CYP4B1: variants seen among roughly 807,000 people sequenced by gnomAD.
CYP4B1 encodes the protein cytochrome P450 family 4 subfamily B member 1, also known as cytochrome P450 4B1.
CYP4B1 carries 45 observed loss-of-function variants against 54.0 expected under a neutral mutation model. That is an observed-to-expected ratio of 0.83 (90% confidence interval 0.66 to 1.07). The LOEUF is 1.07. Ranked by LOEUF, CYP4B1 falls within the 50% of genes least tolerant of loss-of-function variation. The probability of loss-of-function intolerance (pLI) is 0.00; values close to 1 mark genes in which losing one functional copy is unlikely to be tolerated. For synonymous variants in CYP4B1, 248 were observed against 247.5 expected (o/e 1.00, Z -0.02); for missense variants, 656 against 655.4 (o/e 1.00, Z -0.01).
In CYP4B1 at chr1:46,814,298, A is replaced by C. The variant is rs376093889; in HGVS notation, c.865A>C (p.Ile289Leu). The C allele has an allele frequency of 4.3e-6, 7 of 1,613,892 alleles. No homozygotes were observed. The highest frequency in any genetic ancestry group is 5.9e-6 in the Non-Finnish European group (7 of 1,179,896). ...CCGGAGGCACCTGGACTTCCTGGAC[A>C]TTCTCCTGGGTGCCCGGGTGAGTAC... The part of the protein sequence containing the change: ...QNRRHLDFLD[I>L]LLGARDEDDI... The change falls in exon 7 of 12, where the codon ATT (isoleucine) becomes CTT (leucine). Residue 289 changes from isoleucine (I) to leucine (L), a missense_variant. Transcript: ENST00000371923.
chr1:46,812,830 T>C (rs55955602), intron 4 of CYP4B1, among the ~76,000 whole-genome samples: 3 of 152,158 alleles, frequency 2.0e-5, no homozygotes, highest in Non-Finnish European at 4.4e-5. Flanking sequence ...GCTGAATCTC[T>C]AAGTGTCCTG....
intron 7 of CYP4B1, chr1:46,814,692 G>A (rs577786065): frequency 6.3e-5 from 21 of 333,154 alleles, no homozygotes; most frequent in South Asian, 3.4e-4. Context: ...GGTCATTTCC[G>A]TGCTAGGATG....
intron 1 of CYP4B1, among the ~76,000 whole-genome samples, chr1:46,803,415 C>A (rs182453983): frequency 1.3e-5 from 2 of 152,256 alleles, no homozygotes; most frequent in East Asian, 3.9e-4. Context: ...TCAGTGAGGG[C>A]TCCTCCATGT....
intron 5 of CYP4B1, 34 bp from the exon 6 acceptor site, chr1:46,813,875 T>A: frequency 5.0e-6 from 8 of 1,609,172 alleles, no homozygotes; most frequent in Non-Finnish European, 6.8e-6. Flanking sequence ...TGGGCCAGTG[T>A]CTAAGCCAAT....
intron 7 of CYP4B1, chr1:46,814,633 G>T (rs901160149): frequency 2.3e-5 from 8 of 353,778 alleles, no homozygotes; most frequent in Non-Finnish European, 4.1e-5. Context: ...CATTCATTCA[G>T]TAAGTTCTTT....
Position 46,813,555 on chromosome 1 carries a change from A to G in CYP4B1, c.569A>G (p.Asn190Ser). The G allele has an allele frequency of 1.2e-6, 2 of 1,614,222 alleles. No individual in the cohort carries two copies. Among genetic ancestry groups the G allele is most frequent in the South Asian group, 1.1e-5 (1 of 91,082 alleles). Residue 190 changes from asparagine to serine, a missense_variant, in exon 5 of 12, where the codon AAC (asparagine) becomes AGC (serine). Coordinates refer to ENST00000371923, the MANE Select transcript of CYP4B1 (RefSeq NM_001099772.2). ...TGCGATGTGGGTCACATGGCGCTGA[A>G]CACACTCATGAAGTGCACCTTTGGA... The part of the protein sequence containing the change: ...IFCDVGHMAL[N>S]TLMKCTFGRG...
intron 1 of CYP4B1, among the ~76,000 whole-genome samples, chr1:46,804,348 A>T (rs1678774927): frequency 6.6e-6 from 1 of 152,116 alleles, no homozygotes; most frequent in Non-Finnish European, 1.5e-5. Context: ...AGCTCTTTAG[A>T]GAAGTTAGAT....
Position 46,817,948 on chromosome 1 carries a change from C to T in CYP4B1, c.1208-17C>T. On this transcript the variant is annotated splice_polypyrimidine_tract_variant and intron_variant, in intron 9 of 11. Transcript: ENST00000371923. ...TACCCAGGACTACCTGGTCACCAACCTCTGTTCTGCCCACAGGAAGCCTGA... is the reference window on the plus strand; with the variant it reads ...TACCCAGGACTACCTGGTCACCAACTTCTGTTCTGCCCACAGGAAGCCTGA... 1 of 1,613,842 alleles carries T rather than the reference C, an allele frequency of 6.2e-7. No individual in the cohort carries two copies. The highest frequency in any genetic ancestry group is 8.5e-7 in the Non-Finnish European group (1 of 1,179,732).
chr1:46,800,243 TTCC>T (rs1557484746), intron 1 of CYP4B1, among the ~76,000 whole-genome samples: 815 of 15,696 alleles, frequency 0.052, 24 homozygotes, highest in African/African-American at 0.092. Context: ...CTTTCTTTCC[TTCC>T]TTCCTTCCTT....
rs764620704 is a variant in CYP4B1 at position 46,812,605 on chromosome 1, G to A, written c.477G>A (p.Glu159=). Residue 159 remains glutamate (E), a synonymous_variant, in exon 4 of 12, where the codon GAG becomes GAA. Transcript: ENST00000371923. ...VLKPYVAVFT[E]STRIMLDKWE... ...AGCCCTATGTGGCCGTGTTCACTGAGTCTACACGTATCATGCTGGTGAGCT... is the reference window on the plus strand; with the variant it reads ...AGCCCTATGTGGCCGTGTTCACTGAATCTACACGTATCATGCTGGTGAGCT... The A allele has an allele frequency of 6.2e-7, 1 of 1,613,262 alleles. No individual in the cohort carries two copies. Among genetic ancestry groups the A allele is most frequent in the Non-Finnish European group, 8.5e-7 (1 of 1,179,680 alleles).
At chr1:46,811,692 G>GTATTT (rs756389667) in intron 3 of CYP4B1, among the ~76,000 whole-genome samples, 44 of 152,160 alleles carry the variant, frequency 2.9e-4, no homozygotes, top group Admixed American at 5.9e-4. Context: ...GAGTCATTGA[G>GTATTT]TATTTTATTT....
chr1:46,813,909 C>T lies in CYP4B1; in HGVS notation c.621C>T (p.Ser207=), dbSNP rs188313819. ...FGRGDTGLGH[S]RDSSYYLAVS... is the part of the protein sequence containing the mutation. ...ATCCCTCCTCCTACCCTCTGCTTAG[C>T]AGGGACAGCAGCTACTACCTTGCAG... The change falls in exon 6 of 12, where the codon AGC becomes AGT. Residue 207 remains serine, a splice_region_variant and synonymous_variant. Transcript: ENST00000371923. 2.5e-6 allele frequency: 4 copies of T among 1,614,034 alleles called. No individual in the cohort carries two copies. Among genetic ancestry groups the T allele is most frequent in the Non-Finnish European group, 3.4e-6 (4 of 1,179,936 alleles).
In CYP4B1 at chr1:46,817,030, T is replaced by TG. The variant is rs1679361128; in HGVS notation, c.1074-16dup. 1 of 1,612,708 alleles carries TG rather than the reference T, an allele frequency of 6.2e-7. No homozygotes were observed. Among genetic ancestry groups the TG allele is most frequent in the African/African-American group, 1.3e-5 (1 of 74,916 alleles). On this transcript the variant is annotated splice_polypyrimidine_tract_variant and intron_variant, in intron 8 of 11. Coordinates refer to ENST00000371923, the MANE Select transcript of CYP4B1 (RefSeq NM_001099772.2). ...GTTGCTTCCCATTCCAAGAATGTTC[T>TG]GGTTGTGTTGCTGGCAGGGATGATC...
rs45556331 is a variant in CYP4B1 at position 46,816,110 on chromosome 1, C to G, written c.1073+846C>G. Among the ~76,000 whole-genome samples, 11 of 152,254 alleles carry G rather than the reference C, an allele frequency of 7.2e-5. No homozygotes were observed. The South Asian group carries it at 1.7e-3, about 23-fold the overall frequency. ...TGGTCATATGTGAGAATCCCCCCCC[C>G]ACGGGGTATCCAGACACATGCCAGG... On this transcript the variant is annotated intron_variant, in intron 8 of 11. Transcript: ENST00000371923.
At chr1:46,817,303 C>G (rs1421616569) in intron 9 of CYP4B1, 122 bp downstream of exon 9, 1 of 1,203,760 alleles carries the variant, frequency 8.3e-7, no homozygotes, top group African/African-American at 1.5e-5. Context: ...TCAGAGAGCC[C>G]TGGGTCTAAA....
In CYP4B1 at chr1:46,801,635, A is replaced by C. The variant is rs1161196411; in HGVS notation, c.180+2374A>C. Among the ~76,000 whole-genome samples, 4 of 152,280 alleles carry C rather than the reference A, an allele frequency of 2.6e-5. No individual in the cohort carries two copies. In the East Asian group the frequency reaches 7.7e-4, roughly 29 times the overall value. The stretch of plus-strand genomic sequence containing the variant: ...GCAAGCACAACTCCTGCAGTCCTCA[A>C]GGGCTTGGCACCTCTGTTCTTGCCT... On this transcript the variant is annotated intron_variant, in intron 1 of 11. Coordinates refer to ENST00000371923, the MANE Select transcript of CYP4B1 (RefSeq NM_001099772.2).
At chr1:46,807,748 C>T (rs1331384641) in intron 1 of CYP4B1, among the ~76,000 whole-genome samples, 2 of 152,208 alleles carry the variant, frequency 1.3e-5, no homozygotes, top group Admixed American at 1.3e-4. Flanking sequence ...GACGACTCCA[C>T]AGAGGGCCTA....
rs745774872 is a variant in CYP4B1 at position 46,799,102 on chromosome 1, C to T, written c.21C>T (p.Ser7=). Residue 7 remains serine (S), a synonymous_variant, in exon 1 of 12, where the codon TCC becomes TCT. Transcript: ENST00000371923. ...CAACCATGGTGCCCAGCTTCCTCTCCCTGAGCTTCTCCTCCTTGGGCCTGT... is the reference window on the plus strand; with the variant it reads ...CAACCATGGTGCCCAGCTTCCTCTCTCTGAGCTTCTCCTCCTTGGGCCTGT... MVPSFL[S]LSFSSLGLWA... 3.1e-6 allele frequency: 5 copies of T among 1,614,034 alleles called. No homozygotes were observed. Among genetic ancestry groups the T allele is most frequent in the Non-Finnish European group, 3.4e-6 (4 of 1,179,984 alleles).
chr1:46,814,334 A>G lies in CYP4B1; in HGVS notation c.882+19A>G, dbSNP rs1434118596. Reference sequence around the variant, plus strand: ...TGCCCGGGTGAGTACATTGTTGCCCACCCCTACCTGAGGACTGGTCCCAGA... The same window carrying G: ...TGCCCGGGTGAGTACATTGTTGCCCGCCCCTACCTGAGGACTGGTCCCAGA... On this transcript the variant is annotated intron_variant, in intron 7 of 11. Transcript: ENST00000371923. 1.4e-5 allele frequency: 23 copies of G among 1,588,906 alleles called. No individual in the cohort carries two copies. Among genetic ancestry groups the G allele is most frequent in the Non-Finnish European group, 2.0e-5 (23 of 1,160,272 alleles).
Sources: allele counts gnomAD v4.1 joint callset (sites outside exome capture counted in the v4.1 genomes callset), GRCh38; gene constraint gnomAD v4.1.1; transcripts MANE v1.5; gene names NCBI Gene and HGNC (gene_info 2026-07-23, HGNC 2026-07-21).